ASTN2: variants seen among roughly 807,000 people sequenced by gnomAD.
ASTN2 encodes the protein astrotactin-2.
Under a neutral mutation model 139.8 loss-of-function variants are expected in ASTN2, and 54 were observed. That is an observed-to-expected ratio of 0.39 (90% CI 0.31 to 0.48). The LOEUF is 0.48. Ranked by LOEUF, ASTN2 falls within the 20% of genes least tolerant of loss-of-function variation. The pLI, the probability that ASTN2 is intolerant of heterozygous loss-of-function variation, is 0.95. For missense variants in ASTN2, 1,565 were observed against 1,725.1 expected, an observed-to-expected ratio of 0.91 and a Z score of 1.64; for synonymous variants, 756 against 719.5, an observed-to-expected ratio of 1.05 and a Z score of -0.81.
intron 1 of ASTN2, among the ~76,000 whole-genome samples, chr9:117,379,498 C>G (rs1830209514): frequency 6.6e-6 from 1 of 152,184 alleles, no homozygotes; most frequent in African/African-American, 2.4e-5. Context: ...GGAACTCCAC[C>G]CTTAATCCTT....
intron 4 of ASTN2, among the ~76,000 whole-genome samples, chr9:117,134,457 G>A (rs1470077687): frequency 6.6e-6 from 1 of 151,758 alleles, no homozygotes; most frequent in Non-Finnish European, 1.5e-5. Context: ...GGATGCTGCT[G>A]GGAAATGTGT....
chr9:116,766,138 G>A (rs1353592909), intron 13 of ASTN2, among the ~76,000 whole-genome samples: 12 of 152,130 alleles, frequency 7.9e-5, no homozygotes, highest in South Asian at 2.1e-4. Flanking sequence ...TAAAGATCCC[G>A]GGATAGGGCA....
chr9:117,214,709 C>T lies in ASTN2; in HGVS notation c.664G>A (p.Val222Met). ...TGGGCGTACAGCGCCACGGTGAACA[C>T]CAGCAGCAGCAGCAGCAGCGCGATG... Reference protein sequence around the residue: ...GLIALLLLLLVFTVALYAQRR... With the variant: ...GLIALLLLLLMFTVALYAQRR... Residue 222 changes from valine to methionine, a missense_variant, in exon 3 of 23, where the codon GTG (valine) becomes ATG (methionine). By Grantham distance (21) the Val-to-Met change is conservative. This residue lies in a region of ASTN2 where 596 missense variants were observed against 576.8 expected (regional missense o/e 1.03). Coordinates refer to ENST00000313400, the MANE Select transcript of ASTN2 (RefSeq NM_001365068.1). 6.6e-7 allele frequency: 1 copy of T among 1,510,184 alleles called. No homozygotes were observed. The highest frequency in any genetic ancestry group is 8.9e-7 in the Non-Finnish European group (1 of 1,125,126). The allele number at this position is 1,510,184 out of a possible 1,614,324, so 93.5% of individuals were successfully genotyped here.
chr9:116,911,802 G>A (rs1268648378), intron 10 of ASTN2, among the ~76,000 whole-genome samples: 1 of 152,136 alleles, frequency 6.6e-6, no homozygotes, highest in African/African-American at 2.4e-5. Flanking sequence ...GGCTGAGGCA[G>A]GAGAATGACG....
chr9:117,409,173 A>T (rs1171816186), intron 1 of ASTN2, among the ~76,000 whole-genome samples: 3 of 152,148 alleles, frequency 2.0e-5, no homozygotes, highest in African/African-American at 7.2e-5. Context: ...TCCATCCCAG[A>T]ATCTTTCTCT....
intron 17 of ASTN2, among the ~76,000 whole-genome samples, chr9:116,630,500 C>T (rs946381194): frequency 1.3e-5 from 2 of 152,090 alleles, no homozygotes; most frequent in Non-Finnish European, 2.9e-5. Context: ...GTCATTTTTC[C>T]TAAATACTAA....
intron 20 of ASTN2, among the ~76,000 whole-genome samples, chr9:116,476,498 CA>C (rs1407580822): frequency 1.3e-5 from 2 of 152,106 alleles, no homozygotes; most frequent in Non-Finnish European, 2.9e-5. Flanking sequence ...GCATGATATG[CA>C]GTGTCAGGTA....
At chr9:117,170,650 T>C (rs1291027308) in intron 3 of ASTN2, among the ~76,000 whole-genome samples, 1 of 152,078 alleles carries the variant, frequency 6.6e-6, no homozygotes, top group Non-Finnish European at 1.5e-5. Flanking sequence ...GAAAGTAACA[T>C]GTATGCAGAG....
intron 14 of ASTN2, among the ~76,000 whole-genome samples, chr9:116,729,833 T>C (rs1330315863): frequency 6.6e-6 from 1 of 152,212 alleles, no homozygotes. Flanking sequence ...AGCATCTTGA[T>C]TATATTAATA....
intron 11 of ASTN2, among the ~76,000 whole-genome samples, chr9:116,860,980 G>A (rs1312226241): frequency 1.3e-5 from 2 of 152,122 alleles, no homozygotes; most frequent in Non-Finnish European, 2.9e-5. Context: ...CAGCATAAAC[G>A]TGGTATTTCC....
rs989491999 is a variant in ASTN2 at position 116,768,839 on chromosome 9, T to C, written c.2397-35316A>G. Reference sequence around the variant, plus strand: ...ATAAATTTATGTTGTTTATAGATTATCCAGTTTATGATATTTTGTATGGGA... The same window carrying C: ...ATAAATTTATGTTGTTTATAGATTACCCAGTTTATGATATTTTGTATGGGA... On this transcript the variant is annotated intron_variant, in intron 13 of 22. Transcript: ENST00000313400. Among the ~76,000 whole-genome samples the C allele has an allele frequency of 2.0e-5, 3 of 152,226 alleles. No individual in the cohort carries two copies. In the East Asian group the frequency reaches 5.8e-4, roughly 29 times the overall value.
intron 11 of ASTN2, among the ~76,000 whole-genome samples, chr9:116,826,339 T>C (rs1831626645): frequency 6.6e-6 from 1 of 152,180 alleles, no homozygotes. Context: ...TCCTTTCTGG[T>C]CACAGCCCAC....
intron 10 of ASTN2, among the ~76,000 whole-genome samples, chr9:116,927,876 G>T (rs1418005733): frequency 1.3e-5 from 2 of 152,168 alleles, no homozygotes; most frequent in African/African-American, 2.4e-5. Flanking sequence ...CATAAAACTG[G>T]TTGTCAATGC....
At chr9:116,589,935 G>C (rs1854311647) in intron 19 of ASTN2, among the ~76,000 whole-genome samples, 1 of 152,186 alleles carries the variant, frequency 6.6e-6, no homozygotes, top group Non-Finnish European at 1.5e-5. Flanking sequence ...GGAGTTCCTA[G>C]ATTTATAATC....
intron 13 of ASTN2, among the ~76,000 whole-genome samples, chr9:116,786,387 T>C (rs2132214472): frequency 6.6e-6 from 1 of 152,358 alleles, no homozygotes; most frequent in Non-Finnish European, 1.5e-5. Flanking sequence ...TTATATATTT[T>C]GTTCACTATT....
intron 13 of ASTN2, among the ~76,000 whole-genome samples, chr9:116,760,583 A>G (rs566488132): frequency 1.3e-5 from 2 of 152,300 alleles, no homozygotes; most frequent in African/African-American, 2.4e-5. Context: ...ATTAAGGCAT[A>G]TCTTTGGGAA....
chr9:116,908,374 A>C (rs1490262021), intron 10 of ASTN2, among the ~76,000 whole-genome samples: 3 of 150,242 alleles, frequency 2.0e-5, no homozygotes, highest in Non-Finnish European at 4.4e-5. Flanking sequence ...CACCTCACAG[A>C]GTTACTATGA....
intron 3 of ASTN2, among the ~76,000 whole-genome samples, chr9:117,151,155 C>T (rs530406521): frequency 3.8e-4 from 58 of 151,980 alleles, no homozygotes; most frequent in African/African-American, 1.2e-3. Context: ...GCCACCATGC[C>T]GTGCTATTGA....
At chr9:116,609,296 ATCTC>A (rs34856740) in intron 19 of ASTN2, among the ~76,000 whole-genome samples, 34,471 of 123,862 alleles carry the variant, frequency 0.28, 5,877 homozygotes, top group Admixed American at 0.44. Context: ...AGAAAAAAGG[ATCTC>A]TCTCTCTCTC....
Sources: allele counts gnomAD v4.1 joint callset (sites outside exome capture counted in the v4.1 genomes callset), GRCh38; gene constraint gnomAD v4.1.1; regional missense constraint gnomAD v4.1.1; transcripts MANE v1.5; gene names NCBI Gene and HGNC (gene_info 2026-07-23, HGNC 2026-07-21).